The following PARVB variants were observed in gnomAD, a reference collection of about 807,000 sequenced individuals.
PARVB encodes beta-parvin.
A neutral mutation model predicts 47.0 loss-of-function variants in PARVB; 46 were observed. The observed-to-expected ratio is 0.98, with a 90% CI of 0.77 to 1.25. The LOEUF (loss-of-function observed/expected upper bound fraction) is 1.25. Ranked by LOEUF, PARVB falls within the 50% of genes most tolerant of loss-of-function variation. The pLI is 0.00. For synonymous variants in PARVB, 196 were observed against 196.3 expected (o/e 1.00, Z 0.01); for missense variants, 473 against 471.6 (o/e 1.00, Z -0.03).
At chr22:44,092,151 A>C (rs1001480355) in intron 1 of PARVB, among the ~76,000 whole-genome samples, 3 of 151,988 alleles carry the variant, frequency 2.0e-5, no homozygotes, top group Non-Finnish European at 4.4e-5. Flanking sequence ...TCGCTCTGTC[A>C]CCAGGCTGGA....
At chr22:44,116,439 G>T (rs1293728090) in intron 3 of PARVB, among the ~76,000 whole-genome samples, 1 of 152,224 alleles carries the variant, frequency 6.6e-6, no homozygotes, top group Non-Finnish European at 1.5e-5. Context: ...GTGGGCGTCC[G>T]TGTGTCTCTT....
intron 1 of PARVB, among the ~76,000 whole-genome samples, chr22:44,048,841 T>A (rs1296441625): frequency 1.3e-5 from 2 of 152,212 alleles, no homozygotes; most frequent in African/African-American, 4.8e-5. Context: ...ATTACAGGCA[T>A]GAGCCACTGT....
At chr22:44,017,265 C>G (rs2050593461) in intron 2 of PARVB, among the ~76,000 whole-genome samples, 1 of 152,124 alleles carries the variant, frequency 6.6e-6, no homozygotes, top group Non-Finnish European at 1.5e-5. Context: ...ATCTTAGTCT[C>G]TAGACAAAGA....
intron 1 of PARVB, among the ~76,000 whole-genome samples, chr22:44,059,813 G>A (rs1015072027): frequency 6.6e-6 from 1 of 152,148 alleles, no homozygotes; most frequent in South Asian, 2.1e-4. Flanking sequence ...CACTTGCAAA[G>A]CCTGCTGTCA....
At chr22:44,060,648 T>G (rs1219710373) in intron 1 of PARVB, among the ~76,000 whole-genome samples, 1 of 151,574 alleles carries the variant, frequency 6.6e-6, no homozygotes, top group Non-Finnish European at 1.5e-5. Context: ...CCCGGGTTCT[T>G]TGGGCACAGG....
At chr22:43,999,398 G>C in exon 1 of PARVB, 1 of 1,610,412 alleles carries the variant, frequency 6.2e-7, no homozygotes. Flanking sequence ...CCTTAGTCCA[G>C]AGAACAAAAA....
chr22:44,147,863 C>G lies in PARVB; in HGVS notation c.715C>G (p.Arg239Gly), dbSNP rs775756782. Residue 239 changes from arginine to glycine, a missense_variant and splice_region_variant, in exon 9 of 13, where the codon CGG (arginine) becomes GGG (glycine). Transcript: ENST00000338758. ...TGTCTCTCTTTGCATGTCCTCAGAGCGGGATGCCTTCGACACGCTGTTCGA... is the reference window on the plus strand; with the variant it reads ...TGTCTCTCTTTGCATGTCCTCAGAGGGGGATGCCTTCGACACGCTGTTCGA... ...TTEMMMGRFERDAFDTLFDHA... is the reference protein window; with the variant it reads ...TTEMMMGRFEGDAFDTLFDHA... The G allele has an allele frequency of 6.2e-7, 1 of 1,613,858 alleles. No individual in the cohort carries two copies. Among genetic ancestry groups the G allele is most frequent in the Non-Finnish European group, 8.5e-7 (1 of 1,179,754 alleles).
chr22:44,086,492 A>T (rs1464484488), intron 1 of PARVB, among the ~76,000 whole-genome samples: 1 of 152,190 alleles, frequency 6.6e-6, no homozygotes, highest in Non-Finnish European at 1.5e-5. Context: ...GCCAGGCCTC[A>T]CATTTCAAGG....
rs1018419 is a variant in PARVB at position 44,103,209 on chromosome 22, G to T, written c.273+3086G>T. 6.6e-6 allele frequency: 1 copy of T among 152,144 alleles called. No individual in the cohort carries two copies. The highest frequency in any genetic ancestry group is 2.4e-5 in the African/African-American group (1 of 41,364). The allele number at this position is 152,144 out of a possible 1,614,324, so 9.4% of individuals were successfully genotyped here. On this transcript the variant is annotated intron_variant, in intron 3 of 12. Transcript: ENST00000338758. The surrounding 1 kb of genome is among the most constrained non-coding windows in gnomAD (Gnocchi z 4.6). ...TGAGGGGCATGGGGTGGACTGATGG[G>T]AAAGCTAATTAGCATCCTTTGGGGC...
At chr22:44,013,305 G>A (rs539938308) in intron 2 of PARVB, among the ~76,000 whole-genome samples, 8 of 152,300 alleles carry the variant, frequency 5.3e-5, no homozygotes, top group Admixed American at 2.0e-4. Context: ...GGGGTATCAC[G>A]TATTGACTTT....
At chr22:44,065,112 G>A (rs2051493647) in intron 1 of PARVB, among the ~76,000 whole-genome samples, 2 of 152,002 alleles carry the variant, frequency 1.3e-5, no homozygotes, top group Admixed American at 1.3e-4. Context: ...TGAGACCCTG[G>A]AAACTTGGCT....
intron 1 of PARVB, among the ~76,000 whole-genome samples, chr22:44,038,195 G>C (rs1309195375): frequency 2.0e-5 from 3 of 152,236 alleles, no homozygotes; most frequent in East Asian, 3.9e-4. Flanking sequence ...CACAGTTCCT[G>C]TCTTCCTGGG....
At position 44,095,418 on chromosome 22, in the gene PARVB, C is replaced by T. The variant is rs188980208; in HGVS notation, c.202+1401C>T. 8.8e-4 allele frequency among the ~76,000 whole-genome samples: 133 copies of T among 151,894 alleles called. 1 individual carries two copies. Among genetic ancestry groups the T allele is most frequent in the Middle Eastern group, 6.8e-3 (2 of 292 alleles). On this transcript the variant is annotated intron_variant, in intron 2 of 12. Transcript: ENST00000338758. Reference sequence around the variant, plus strand: ...ACTCTGGAGGCTGAGGCAGGAGAATCGCTTGAACCCGGGATTGGGATGTTG... The same window carrying T: ...ACTCTGGAGGCTGAGGCAGGAGAATTGCTTGAACCCGGGATTGGGATGTTG...
chr22:44,011,626 GTAAA>G (rs1293918729), intron 2 of PARVB, among the ~76,000 whole-genome samples: 2 of 151,966 alleles, frequency 1.3e-5, no homozygotes, highest in East Asian at 3.9e-4. Flanking sequence ...TGCTGTCTCA[GTAAA>G]TAAATAAATA....
intron 1 of PARVB, among the ~76,000 whole-genome samples, chr22:44,067,153 T>C (rs1219701514): frequency 6.6e-6 from 1 of 152,202 alleles, no homozygotes; most frequent in East Asian, 1.9e-4. Context: ...CTTTAATTTA[T>C]TCTGAAAATG....
At chr22:44,024,479 C>T in intron 1 of PARVB, 28 bp downstream of exon 1, 1 of 1,116,716 alleles carries the variant, frequency 9.0e-7, no homozygotes, top group African/African-American at 1.7e-5. Context: ...CCCGCCGACC[C>T]CCGGGGACCT....
intron 4 of PARVB, among the ~76,000 whole-genome samples, chr22:44,122,761 G>A (rs1030868177): frequency 2.6e-5 from 4 of 152,042 alleles, no homozygotes; most frequent in Admixed American, 1.3e-4. Flanking sequence ...GATGTATTTT[G>A]TACATTCTTT....
intron 2 of PARVB, among the ~76,000 whole-genome samples, chr22:44,003,761 A>T (rs962279630): frequency 1.3e-5 from 2 of 152,114 alleles, no homozygotes; most frequent in Non-Finnish European, 2.9e-5. Context: ...CGTTCCTCCA[A>T]CATGGACATT....
chr22:44,158,709 C>G (rs1450855051), intron 11 of PARVB, among the ~76,000 whole-genome samples: 3 of 152,264 alleles, frequency 2.0e-5, no homozygotes, highest in Non-Finnish European at 4.4e-5. Context: ...GCGTGGGCCT[C>G]TCCCTGCTGT....
Sources: allele counts gnomAD v4.1 joint callset (sites outside exome capture counted in the v4.1 genomes callset), GRCh38; gene constraint gnomAD v4.1.1; non-coding constraint Gnocchi (gnomAD v3.1); transcripts MANE v1.5; gene names NCBI Gene and HGNC (gene_info 2026-07-23, HGNC 2026-07-21).